Variants in POTEB3 observed in about 807,000 individuals in gnomAD.
POTEB3 encodes POTE ankyrin domain family member B3.
Under a neutral mutation model 39.8 loss-of-function variants are expected in POTEB3, and 5 were observed. The ratio of observed to expected loss-of-function variants is 0.13; its 90% CI spans 0.07 to 0.26. POTEB3 has a LOEUF of 0.26. POTEB3 is among the 10% of genes least tolerant of loss of function. The pLI is 1.00. For missense variants in POTEB3, 24 were observed against 475.6 expected, an observed-to-expected ratio of 0.05 and a Z score of 8.83; for synonymous variants, 5 against 161.5, an observed-to-expected ratio of 0.03 and a Z score of 7.35.
At chr15:21,425,106 A>G (rs1338851178) in intron 6 of POTEB3, 2 of 143,298 alleles carry the variant, frequency 1.4e-5, no homozygotes, top group Admixed American at 7.0e-5. Flanking sequence ...TGACATGGAA[A>G]CTATAGATGA....
At chr15:21,433,471 A>G (rs1899057757) in intron 3 of POTEB3, among the ~76,000 whole-genome samples, 1 of 149,694 alleles carries the variant, frequency 6.7e-6, no homozygotes, top group African/African-American at 2.5e-5. Flanking sequence ...CTAGACCTGA[A>G]GATTATTTAA....
At chr15:21,425,658 AC>A (rs1898663276) in intron 6 of POTEB3, among the ~76,000 whole-genome samples, 1 of 137,636 alleles carries the variant, frequency 7.3e-6, no homozygotes, top group Non-Finnish European at 1.6e-5. Context: ...ATGTGGTGTG[AC>A]CCAGCCAATG....
chr15:21,434,252 AG>A (rs1222418456), intron 3 of POTEB3, among the ~76,000 whole-genome samples: 1 of 130,560 alleles, frequency 7.7e-6, no homozygotes, highest in Non-Finnish European at 1.6e-5. Context: ...GTGTTTTTTT[AG>A]GAATTTGCCA....
intron 6 of POTEB3, chr15:21,425,079 A>G (rs1898631215): frequency 2.1e-5 from 3 of 145,928 alleles, no homozygotes; most frequent in Admixed American, 6.9e-5. Flanking sequence ...ATACATTGAT[A>G]CTAGTCCAAG....
At chr15:21,417,853 T>C (rs1384512875) in intron 9 of POTEB3, among the ~76,000 whole-genome samples, 1 of 108,580 alleles carries the variant, frequency 9.2e-6, no homozygotes, top group Non-Finnish European at 1.8e-5. Context: ...AATATATCCT[T>C]TTCTCAAAGG....
At chr15:21,428,999 T>C (rs1289147044) in intron 5 of POTEB3, 1 of 149,808 alleles carries the variant, frequency 6.7e-6, no homozygotes, top group Non-Finnish European at 1.5e-5. Flanking sequence ...GCCCTACTTT[T>C]ACACATGATT....
intron 10 of POTEB3, among the ~76,000 whole-genome samples, chr15:21,409,828 C>A (rs1268937537): frequency 2.8e-5 from 3 of 106,292 alleles, no homozygotes; most frequent in Admixed American, 8.5e-5. Context: ...ATATATGCAG[C>A]CAGGACCAGT....
At chr15:21,427,068 C>T (rs1191276494) in intron 6 of POTEB3, among the ~76,000 whole-genome samples, 1 of 151,010 alleles carries the variant, frequency 6.6e-6, no homozygotes, top group African/African-American at 2.5e-5. Context: ...CTTTGGCGTT[C>T]TTTTGTGATC....
At position 21,405,739 on chromosome 15, in the gene POTEB3, T is replaced by C. The variant is rs1366456495; in HGVS notation, c.*3244A>G. ...AAAAGGATCTTGTTTCTCCTTCACT[T>C]ATGATGCTTAATTTTGCTGGACATG... is the stretch of plus-strand genomic sequence containing the variant. On this transcript the variant is annotated 3_prime_UTR_variant, in exon 11 of 11. Transcript: ENST00000611217. Among the ~76,000 whole-genome samples the C allele has an allele frequency of 4.8e-5, 4 of 83,334 alleles. 2 individuals are homozygous for C. The highest frequency in any genetic ancestry group is 8.5e-5 in the Non-Finnish European group (4 of 46,834). 54.7% of individuals were successfully genotyped at this position (83,334 alleles called of 152,430 possible).
At chr15:21,424,868 A>G (rs1292160410) in intron 6 of POTEB3, among the ~76,000 whole-genome samples, 1 of 146,720 alleles carries the variant, frequency 6.8e-6, no homozygotes, top group African/African-American at 2.6e-5. Context: ...GCTTTATATT[A>G]CCACTTCCAC....
rs201447490 is a variant in POTEB3, at chr15:21,407,495, C to T, written c.*1488G>A. 6.1e-4 allele frequency among the ~76,000 whole-genome samples: 54 copies of T among 88,656 alleles called. 2 individuals carry two copies. The East Asian group carries it at 0.014, about 23-fold the overall frequency. The allele number at this position is 88,656 out of a possible 152,430, so 58.2% of individuals were successfully genotyped here. ...TGGAGAGGTAATGTGCAGGCTGGTA[C>T]GTGGCTGTAGAGGTCACCTTGCTGC... On this transcript the variant is annotated 3_prime_UTR_variant, in exon 11 of 11. Coordinates refer to ENST00000611217, the MANE Select transcript of POTEB3 (RefSeq NM_207355.5).
chr15:21,426,353 A>T (rs1898705252), intron 6 of POTEB3: 1 of 334,708 alleles, frequency 3.0e-6, no homozygotes, highest in Non-Finnish European at 5.8e-6. Flanking sequence ...TTAATACATA[A>T]TAAATCATAA....
Position 21,440,426 on chromosome 15 carries a change from C to G in POTEB3, c.-415G>C. 1 of 272,824 alleles carries G rather than the reference C, an allele frequency of 3.7e-6. No individual in the cohort carries two copies. Among genetic ancestry groups the G allele is most frequent in the South Asian group, 3.1e-5 (1 of 32,418 alleles). 16.9% of individuals were successfully genotyped at this position (272,824 alleles called of 1,614,324 possible). ...GGAACGCAAGGCCAAGCGAGGAACG[C>G]GAAGCGAAGTGTACCCGTTACAGGT... is the stretch of plus-strand genomic sequence containing the variant. On this transcript the variant is annotated 5_prime_UTR_variant, in exon 1 of 11. Transcript: ENST00000611217.
At chr15:21,423,070 C>T (rs1428016957) in intron 6 of POTEB3, among the ~76,000 whole-genome samples, 6 of 147,682 alleles carry the variant, frequency 4.1e-5, no homozygotes, top group Non-Finnish European at 7.5e-5. Context: ...TAAAATGTTT[C>T]CATCCACTAT....
In POTEB3 at chr15:21,408,070, G is replaced by A. The variant is rs1246550038; in HGVS notation, c.*913C>T. Among the ~76,000 whole-genome samples, 43 of 82,040 alleles carry A rather than the reference G, an allele frequency of 5.2e-4. 15 individuals carry two copies. The highest frequency in any genetic ancestry group is 9.1e-4 in the African/African-American group (7 of 7,732). The allele number at this position is 82,040 out of a possible 152,430, so 53.8% of individuals were successfully genotyped here. On this transcript the variant is annotated 3_prime_UTR_variant, in exon 11 of 11. Coordinates refer to ENST00000611217, the MANE Select transcript of POTEB3 (RefSeq NM_207355.5). ...TGGAGGGTCTGTGCTGTGGGCCCAA[G>A]CCAGGGTTCCTTGTCTGTTGATGAG... is the stretch of plus-strand genomic sequence containing the variant.
rs1162927080 is a variant in POTEB3 at position 21,439,827 on chromosome 15, C to A, written c.185G>T (p.Gly62Val). The A allele has an allele frequency of 6.5e-6, 10 of 1,535,952 alleles. 3 individuals are homozygous for A. In the African/African-American group the frequency reaches 1.5e-4, roughly 22 times the overall value. The change falls in exon 1 of 11, where the codon GGC becomes GTC. Residue 62 changes from glycine (G) to valine (V), a missense_variant. By Grantham distance (109) the Gly-to-Val change is moderately radical. Transcript: ENST00000611217. ...GGGGAAGCAGTGGTGGCAACACTTG[C>A]CCATCTTGCTCCTGAGCGTCTTCAT... Reference protein sequence around the residue: ...SFMKTLRSKMGKCCHHCFPCC... With the variant: ...SFMKTLRSKMVKCCHHCFPCC...
At chr15:21,430,752 T>A (rs1368224281) in intron 4 of POTEB3, among the ~76,000 whole-genome samples, 3 of 151,316 alleles carry the variant, frequency 2.0e-5, no homozygotes, top group Non-Finnish European at 2.9e-5. Flanking sequence ...ACTGATATGC[T>A]GTGATAGAAA....
rs1898439210 is a variant in POTEB3 at position 21,418,067 on chromosome 15, T to TA, written c.1409+1396_1409+1397insT. ...AGAGTCAATTAGCTGGGTGTGATGT[T>TA]GCACACTTGGGGTCCCAGCTAATAG... On this transcript the variant is annotated intron_variant, in intron 9 of 10. Transcript: ENST00000611217. Among the ~76,000 whole-genome samples the TA allele has an allele frequency of 9.1e-5, 9 of 98,522 alleles. 1 individual carries two copies. Among genetic ancestry groups the TA allele is most frequent in the African/African-American group, 7.9e-5 (1 of 12,584 alleles). The allele number at this position is 98,522 out of a possible 152,430, so 64.6% of individuals were successfully genotyped here.
rs1324953732 is a variant in POTEB3, at chr15:21,407,563, T to C, written c.*1420A>G. ...CCACGGTCTGCTTGTACAGAAGCTATGGTGTGGGCACCCAAAAGTGCCCTC... is the reference window on the plus strand; with the variant it reads ...CCACGGTCTGCTTGTACAGAAGCTACGGTGTGGGCACCCAAAAGTGCCCTC... On this transcript the variant is annotated 3_prime_UTR_variant, in exon 11 of 11. Coordinates refer to ENST00000611217, the MANE Select transcript of POTEB3 (RefSeq NM_207355.5). Among the ~76,000 whole-genome samples the C allele has an allele frequency of 1.2e-5, 1 of 85,620 alleles. No individual in the cohort carries two copies. Among genetic ancestry groups the C allele is most frequent in the Non-Finnish European group, 2.1e-5 (1 of 48,138 alleles). The allele number at this position is 85,620 out of a possible 152,430, so 56.2% of individuals were successfully genotyped here.
Sources: allele counts gnomAD v4.1 joint callset (sites outside exome capture counted in the v4.1 genomes callset), GRCh38; gene constraint gnomAD v4.1.1; transcripts MANE v1.5; gene names NCBI Gene and HGNC (gene_info 2026-07-23, HGNC 2026-07-21).